Variants in GRAMD4 observed in about 807,000 individuals in gnomAD.
GRAMD4 encodes the protein GRAM domain-containing protein 4.
A neutral mutation model predicts 83.9 loss-of-function variants in GRAMD4; 25 were observed. The ratio of observed to expected loss-of-function variants is 0.30; its 90% CI spans 0.22 to 0.42. The LOEUF (loss-of-function observed/expected upper bound fraction) is 0.42. Among genes scored for constraint, GRAMD4 ranks in the 10% least tolerant of loss-of-function variants. The pLI is 1.00. For missense variants in GRAMD4, 593 were observed against 788.7 expected (o/e 0.75, Z 2.97); for synonymous variants, 336 against 320.9 (o/e 1.05, Z -0.50).
intron 1 of GRAMD4, among the ~76,000 whole-genome samples, chr22:46,590,377 G>A (rs909110860): frequency 2.0e-5 from 3 of 152,206 alleles, no homozygotes; most frequent in Non-Finnish European, 2.9e-5. Flanking sequence ...CCTTCCTCCA[G>A]CCAGTCCTTG....
Position 46,637,827 on chromosome 22 carries a change from G to A in GRAMD4, c.163-13G>A. The stretch of plus-strand genomic sequence containing the variant: ...CAGGTGGCCCCTTTGAGCTTTTGGT[G>A]TTTTTCTTCTAGGCTGGTCCAGGGA... On this transcript the variant is annotated splice_polypyrimidine_tract_variant and intron_variant, in intron 2 of 18. Transcript: ENST00000406902. The A allele has an allele frequency of 1.2e-6, 2 of 1,613,718 alleles. No individual in the cohort carries two copies. Among genetic ancestry groups the A allele is most frequent in the Non-Finnish European group, 1.7e-6 (2 of 1,179,776 alleles).
chr22:46,604,746 C>T (rs1332567614), intron 1 of GRAMD4, among the ~76,000 whole-genome samples: 1 of 152,118 alleles, frequency 6.6e-6, no homozygotes. Context: ...GGTTCTGGTG[C>T]CATAATGTTC....
intron 1 of GRAMD4, among the ~76,000 whole-genome samples, chr22:46,601,741 A>G (rs1260494788): frequency 6.6e-6 from 1 of 152,182 alleles, no homozygotes; most frequent in Non-Finnish European, 1.5e-5. Flanking sequence ...GGTTGCTGTG[A>G]GCTGTGATTA....
At chr22:46,652,284 C>T (rs556477191) in intron 3 of GRAMD4, among the ~76,000 whole-genome samples, 4 of 152,178 alleles carry the variant, frequency 2.6e-5, no homozygotes, top group South Asian at 2.1e-4. Flanking sequence ...GTCACAGTGA[C>T]GTCATTGCTC....
intron 2 of GRAMD4, among the ~76,000 whole-genome samples, chr22:46,632,204 G>C (rs956763734): frequency 6.6e-6 from 1 of 152,198 alleles, no homozygotes; most frequent in African/African-American, 2.4e-5. Flanking sequence ...ACGAGGCTGG[G>C]CTGGGAAGGG....
rs779023903 is a variant in GRAMD4 at position 46,622,645 on chromosome 22, G to A, written c.-50+2080G>A. Among the ~76,000 whole-genome samples the A allele has an allele frequency of 1.3e-5, 2 of 152,178 alleles. No homozygotes were observed. The highest frequency in any genetic ancestry group is 2.1e-4 in the South Asian group (1 of 4,826). ...CTGGTGAAGTTGGGCTGAGCACGGCGGCTCACGCCTGTAATCCCAGCACTT... is the reference window on the plus strand; with the variant it reads ...CTGGTGAAGTTGGGCTGAGCACGGCAGCTCACGCCTGTAATCCCAGCACTT... On this transcript the variant is annotated intron_variant, in intron 1 of 18. Coordinates refer to ENST00000406902, the MANE Select transcript of GRAMD4 (RefSeq NM_015124.5). This position sits in a 1 kb window ranked among gnomAD's most constrained non-coding sequence, Gnocchi z 4.0.
At chr22:46,631,285 A>T (rs2081772568) in intron 2 of GRAMD4, among the ~76,000 whole-genome samples, 1 of 152,124 alleles carries the variant, frequency 6.6e-6, no homozygotes, top group African/African-American at 2.4e-5. Flanking sequence ...ACCTTTCGTC[A>T]TCCCAGACTG....
intron 3 of GRAMD4, among the ~76,000 whole-genome samples, chr22:46,654,907 G>A (rs1458758053): frequency 6.6e-6 from 1 of 152,238 alleles, no homozygotes; most frequent in African/African-American, 2.4e-5. Flanking sequence ...GTACCAGGAG[G>A]TTGTGTGCCA....
intron 1 of GRAMD4, among the ~76,000 whole-genome samples, chr22:46,596,811 A>G (rs1401468141): frequency 6.6e-6 from 1 of 152,208 alleles, no homozygotes; most frequent in Non-Finnish European, 1.5e-5. Flanking sequence ...TCAGTTTCCC[A>G]AAGTGCTGCA....
At chr22:46,593,698 A>G (rs916567634) in intron 1 of GRAMD4, among the ~76,000 whole-genome samples, 1 of 152,042 alleles carries the variant, frequency 6.6e-6, no homozygotes, top group African/African-American at 2.4e-5. Context: ...GCGTCTGTGC[A>G]TAGTCCTCTT....
intron 3 of GRAMD4, among the ~76,000 whole-genome samples, chr22:46,646,874 C>G (rs948991687): frequency 3.3e-5 from 5 of 152,168 alleles, no homozygotes; most frequent in Non-Finnish European, 5.9e-5. Flanking sequence ...TGGCGGAAGG[C>G]AAGGAGGAGC....
At chr22:46,591,056 T>C (rs2081201834) in intron 1 of GRAMD4, among the ~76,000 whole-genome samples, 1 of 102,614 alleles carries the variant, frequency 9.7e-6, no homozygotes, top group African/African-American at 5.5e-5. Flanking sequence ...CAAGACTCTG[T>C]CTAAAAAGAA....
In GRAMD4 at chr22:46,678,437, G is replaced by T. The variant is rs2082630901; in HGVS notation, c.*1186G>T. 5 of 985,452 alleles carry T rather than the reference G, an allele frequency of 5.1e-6. No individual in the cohort carries two copies. Among genetic ancestry groups the T allele is most frequent in the Non-Finnish European group, 6.0e-6 (5 of 829,948 alleles). 61.0% of individuals were successfully genotyped at this position (985,452 alleles called of 1,614,324 possible). ...GCCCCAGGGAAGCCTGGGCTTCCCG[G>T]GAACAAGGTGGCATTTGTGGAGGGA... is the stretch of plus-strand genomic sequence containing the variant. On this transcript the variant is annotated 3_prime_UTR_variant, in exon 19 of 19. Coordinates refer to ENST00000406902, the MANE Select transcript of GRAMD4 (RefSeq NM_015124.5).
Position 46,672,778 on chromosome 22 carries a change from C to A in GRAMD4, c.1085-65C>A, listed in dbSNP as rs1327366665. ...GGGAGGTGGGAGGTGCCGGAACCAT[C>A]ACCCTGAGTAGACTGGCATAGCTGC... On this transcript the variant is annotated intron_variant, in intron 13 of 18. Transcript: ENST00000406902. The surrounding 1 kb of genome is among the most constrained non-coding windows in gnomAD (Gnocchi z 4.7). 3 of 1,339,946 alleles carry A rather than the reference C, an allele frequency of 2.2e-6. No individual in the cohort carries two copies. The highest frequency in any genetic ancestry group is 2.9e-5 in the African/African-American group (2 of 69,082). The allele number at this position is 1,339,946 out of a possible 1,614,324, so 83.0% of individuals were successfully genotyped here.
At chr22:46,637,553 A>G (rs915575386) in intron 2 of GRAMD4, among the ~76,000 whole-genome samples, 2 of 152,088 alleles carry the variant, frequency 1.3e-5, no homozygotes, top group Admixed American at 1.3e-4. Flanking sequence ...TTTTTAAGAT[A>G]TTTCTTAAAG....
In GRAMD4 at chr22:46,677,831, C is replaced by T. The variant is rs544807557; in HGVS notation, c.*580C>T. The T allele has an allele frequency of 1.0e-3, 983 of 985,648 alleles. 4 individuals carry two copies. The Middle Eastern group carries it at 0.014, about 14-fold the overall frequency. 61.1% of individuals were successfully genotyped at this position (985,648 alleles called of 1,614,324 possible). On this transcript the variant is annotated 3_prime_UTR_variant, in exon 19 of 19. Transcript: ENST00000406902. ...TTTGCCCTTGGTGCCGGGCTGGGGC[C>T]GGGCGCAGTGACCCTGCCTGCGCTC...
chr22:46,637,339 G>A (rs1045496350), intron 2 of GRAMD4, among the ~76,000 whole-genome samples: 9 of 150,358 alleles, frequency 6.0e-5, no homozygotes, highest in East Asian at 2.0e-4. Flanking sequence ...TGCAAGCTCC[G>A]CCTCCTGGGT....
upstream of GRAMD4, among the ~76,000 whole-genome samples, chr22:46,619,067 C>T (rs1487890200): frequency 3.3e-5 from 5 of 152,226 alleles, no homozygotes; most frequent in Non-Finnish European, 7.3e-5. Context: ...GCTGGCAGGA[C>T]TGAGGCCTGA....
intron 8 of GRAMD4, 97 bp downstream of exon 8, chr22:46,664,214 C>G: frequency 1.2e-6 from 1 of 851,746 alleles, no homozygotes; most frequent in East Asian, 2.4e-5. Context: ...GAGGTGGCCC[C>G]CAGGTGGCAC....
Sources: gnomAD v4.1 joint callset for allele counts (sites outside exome capture counted in the v4.1 genomes callset) on GRCh38, gnomAD v4.1.1 for gene constraint, Gnocchi (gnomAD v3.1) non-coding constraint, MANE v1.5 for transcripts, NCBI Gene and HGNC (gene_info 2026-07-23, HGNC 2026-07-21) for gene names.